Variants in SOX6 observed in about 807,000 individuals in gnomAD.
SOX6 encodes the protein transcription factor SOX-6.
SOX6 carries 11 observed loss-of-function variants against 97.8 expected under a neutral mutation model. The observed-to-expected ratio is 0.11, with a 90% CI of 0.07 to 0.19. The LOEUF (loss-of-function observed/expected upper bound fraction) is 0.19. Among genes scored for constraint, SOX6 ranks in the 10% least tolerant of loss-of-function variants. The probability of loss-of-function intolerance (pLI) is 1.00; values close to 1 mark genes in which losing one functional copy is unlikely to be tolerated. For missense variants in SOX6, 810 were observed against 1,039.5 expected, an observed-to-expected ratio of 0.78 and a Z score of 3.04; for synonymous variants, 360 against 371.4, an observed-to-expected ratio of 0.97 and a Z score of 0.35.
At chr11:16,396,745 T>A (rs1858370901) in intron 1 of SOX6, among the ~76,000 whole-genome samples, 2 of 151,594 alleles carry the variant, frequency 1.3e-5, no homozygotes, top group Non-Finnish European at 3.0e-5. Flanking sequence ...TTATGCAAAA[T>A]CTCAATCTTA....
intron 4 of SOX6, among the ~76,000 whole-genome samples, chr11:16,549,169 TA>T (rs1024781072): frequency 2.6e-5 from 4 of 152,022 alleles, no homozygotes; most frequent in Admixed American, 6.6e-5. Context: ...CCAGAATAAC[TA>T]AAAAAAATTT....
chr11:16,167,473 C>T (rs1453638808), intron 6 of SOX6, among the ~76,000 whole-genome samples: 1 of 152,152 alleles, frequency 6.6e-6, no homozygotes, highest in Non-Finnish European at 1.5e-5. Context: ...AGTCAGGGCA[C>T]GCCGTTCTTT....
intron 3 of SOX6, among the ~76,000 whole-genome samples, chr11:16,635,648 T>G (rs1331112016): frequency 6.6e-6 from 1 of 151,944 alleles, no homozygotes; most frequent in East Asian, 1.9e-4. Flanking sequence ...ACCAAGACAA[T>G]GCAGAAAATC....
chr11:16,664,331 C>T (rs766660534), intron 3 of SOX6, among the ~76,000 whole-genome samples: 3 of 152,202 alleles, frequency 2.0e-5, no homozygotes, highest in Non-Finnish European at 4.4e-5. Context: ...GCCACCCCTA[C>T]CCCATCCCCT....
chr11:15,984,768 G>A (rs1275008758), intron 15 of SOX6, among the ~76,000 whole-genome samples: 1 of 152,104 alleles, frequency 6.6e-6, no homozygotes, highest in Admixed American at 6.6e-5. Flanking sequence ...TTCTGCCATG[G>A]TATAAAGAAA....
intron 4 of SOX6, among the ~76,000 whole-genome samples, chr11:16,489,867 G>T (rs1389383413): frequency 6.6e-6 from 1 of 152,094 alleles, no homozygotes; most frequent in Non-Finnish European, 1.5e-5. Context: ...GGCAGATCTA[G>T]CTTCAAACCC....
chr11:16,451,766 C>T (rs762410783), intron 1 of SOX6, among the ~76,000 whole-genome samples: 24 of 151,906 alleles, frequency 1.6e-4, no homozygotes, highest in Non-Finnish European at 3.1e-4. Flanking sequence ...AGGTCAGGTG[C>T]GCTGGCTGAT....
chr11:16,468,820 A>G (rs1860088117), intron 1 of SOX6, among the ~76,000 whole-genome samples: 1 of 152,178 alleles, frequency 6.6e-6, no homozygotes. Flanking sequence ...CTTTAAGAGT[A>G]GGTTTTTGCC....
chr11:16,302,670 C>T (rs959642319), intron 3 of SOX6, among the ~76,000 whole-genome samples: 17 of 146,402 alleles, frequency 1.2e-4, no homozygotes, highest in African/African-American at 3.0e-4. Context: ...GCTGGGTTCA[C>T]GTGATTCTCC....
chr11:16,026,399 T>C (rs1413454831), intron 12 of SOX6, among the ~76,000 whole-genome samples: 3 of 151,758 alleles, frequency 2.0e-5, no homozygotes, highest in African/African-American at 7.3e-5. Flanking sequence ...TCAAAAGCAA[T>C]AGAAGGGAAG....
At chr11:16,397,027 C>T (rs1314164652) in intron 1 of SOX6, among the ~76,000 whole-genome samples, 1 of 151,352 alleles carries the variant, frequency 6.6e-6, no homozygotes, top group Non-Finnish European at 1.5e-5. Flanking sequence ...AAACACCTCA[C>T]TGAATCTTTA....
intron 14 of SOX6, 41 bp downstream of exon 14, chr11:15,988,956 G>A (rs547896134): frequency 6.4e-7 from 1 of 1,566,670 alleles, no homozygotes; most frequent in South Asian, 1.1e-5. Context: ...CATGGGATTT[G>A]CAGGGGAGAA....
chr11:16,393,031 C>A (rs1159804905), intron 1 of SOX6, among the ~76,000 whole-genome samples: 1 of 152,034 alleles, frequency 6.6e-6, no homozygotes, highest in African/African-American at 2.4e-5. Flanking sequence ...AAAGCCCATT[C>A]CATTTTTAGT....
chr11:16,624,184 T>TTTTATTTTTTTATTTATTTA, intron 3 of SOX6, among the ~76,000 whole-genome samples: 1 of 147,330 alleles, frequency 6.8e-6, no homozygotes, highest in African/African-American at 2.5e-5. Flanking sequence ...TATTTTTTTA[T>TTTTATTTTTTTATTTATTTA]TTTATTTATT....
intron 4 of SOX6, among the ~76,000 whole-genome samples, chr11:16,211,367 T>C (rs993566182): frequency 6.6e-6 from 1 of 152,004 alleles, no homozygotes; most frequent in Non-Finnish European, 1.5e-5. Context: ...GCTAGGAGGC[T>C]TTTACAATAA....
chr11:16,693,766 A>C (rs1848033108), intron 3 of SOX6, among the ~76,000 whole-genome samples: 1 of 152,180 alleles, frequency 6.6e-6, no homozygotes, highest in African/African-American at 2.4e-5. Flanking sequence ...CTCATCATTA[A>C]GGAGCCAAAA....
chr11:16,208,220 A>G (rs916058678), intron 4 of SOX6, among the ~76,000 whole-genome samples: 4 of 152,220 alleles, frequency 2.6e-5, no homozygotes, highest in Admixed American at 2.0e-4. Flanking sequence ...CTTCATCAGT[A>G]TTACATACAC....
intron 3 of SOX6, among the ~76,000 whole-genome samples, chr11:16,679,143 A>G (rs961841545): frequency 6.6e-6 from 1 of 152,220 alleles, no homozygotes; most frequent in Non-Finnish European, 1.5e-5. Flanking sequence ...CTGAGAGTGG[A>G]CGGACTGCCT....
chr11:16,509,179 A>G (rs1366349663), intron 4 of SOX6, among the ~76,000 whole-genome samples: 3 of 151,794 alleles, frequency 2.0e-5, no homozygotes, highest in African/African-American at 7.2e-5. Context: ...AATTGCATTT[A>G]TTTAATTGAA....
Sources: allele counts gnomAD v4.1 joint callset (sites outside exome capture counted in the v4.1 genomes callset), GRCh38; gene constraint gnomAD v4.1.1; transcripts MANE v1.5; gene names NCBI Gene and HGNC (gene_info 2026-07-23, HGNC 2026-07-21).